Variants in PPP1R13B observed in about 807,000 individuals in gnomAD.
The protein encoded by PPP1R13B is protein phosphatase 1 regulatory subunit 13B, also known as apoptosis-stimulating of p53 protein 1.
A neutral mutation model predicts 119.8 loss-of-function variants in PPP1R13B; 44 were observed. The ratio of observed to expected loss-of-function variants is 0.37; its 90% CI spans 0.29 to 0.47. The LOEUF (loss-of-function observed/expected upper bound fraction) is 0.47. PPP1R13B is among the 20% of genes least tolerant of loss of function. PPP1R13B has a pLI of 0.99. For missense variants in PPP1R13B, 1,227 were observed against 1,413.5 expected (o/e 0.87, Z 2.12); for synonymous variants, 542 against 561.5 (o/e 0.97, Z 0.49).
intron 2 of PPP1R13B, among the ~76,000 whole-genome samples, chr14:103,786,549 G>A (rs978204296): frequency 9.2e-5 from 14 of 151,816 alleles, no homozygotes; most frequent in African/African-American, 3.1e-4. Flanking sequence ...CAGATCACCC[G>A]AGGTCAGGAG....
chr14:103,804,307 C>G (rs2085968986), intron 1 of PPP1R13B, among the ~76,000 whole-genome samples: 1 of 152,166 alleles, frequency 6.6e-6, no homozygotes, highest in Non-Finnish European at 1.5e-5. Context: ...ATCAAATAAT[C>G]ACTAATTTAA....
intron 1 of PPP1R13B, among the ~76,000 whole-genome samples, chr14:103,823,277 T>A (rs538367430): frequency 6.6e-6 from 1 of 151,438 alleles, no homozygotes; most frequent in East Asian, 1.9e-4. Flanking sequence ...AGGCGGAGGT[T>A]GCAGTGAGCT....
chr14:103,811,032 G>A (rs1353024386), intron 1 of PPP1R13B, among the ~76,000 whole-genome samples: 1 of 138,410 alleles, frequency 7.2e-6, no homozygotes, highest in Admixed American at 8.0e-5. Context: ...GGCAGAGGTT[G>A]CAGTAAGCTG....
intron 1 of PPP1R13B, among the ~76,000 whole-genome samples, chr14:103,805,091 C>A (rs1463626628): frequency 1.3e-5 from 2 of 152,118 alleles, no homozygotes; most frequent in Non-Finnish European, 2.9e-5. Flanking sequence ...CCCACCTCGG[C>A]CTCTCAAAGT....
intron 4 of PPP1R13B, among the ~76,000 whole-genome samples, chr14:103,772,370 G>C (rs1021012797): frequency 6.6e-6 from 1 of 152,182 alleles, no homozygotes; most frequent in South Asian, 2.1e-4. Context: ...GAGTAGAGTT[G>C]TTGGGTCATA....
At chr14:103,816,316 C>T (rs2086279006) in intron 1 of PPP1R13B, among the ~76,000 whole-genome samples, 2 of 151,042 alleles carry the variant, frequency 1.3e-5, no homozygotes, top group Non-Finnish European at 3.0e-5. Flanking sequence ...TGCCACCACC[C>T]CCGGCTAATT....
At chr14:103,735,296 C>CGTGCA in intron 16 of PPP1R13B, 101 bp from the exon 17 acceptor site, 1 of 1,105,864 alleles carries the variant, frequency 9.0e-7, no homozygotes, top group South Asian at 1.2e-5. Flanking sequence ...CCTGGACAGC[C>CGTGCA]GTGCAGCACC....
At chr14:103,816,875 T>C (rs1327420646) in intron 1 of PPP1R13B, among the ~76,000 whole-genome samples, 2 of 152,124 alleles carry the variant, frequency 1.3e-5, no homozygotes, top group Non-Finnish European at 2.9e-5. Flanking sequence ...TATATCAATA[T>C]AGCTTAGTAA....
intron 3 of PPP1R13B, among the ~76,000 whole-genome samples, chr14:103,782,146 G>A (rs1345977226): frequency 1.3e-5 from 2 of 152,058 alleles, no homozygotes; most frequent in Non-Finnish European, 2.9e-5. Context: ...AACATCCCCA[G>A]TTGCGTAGAT....
chr14:103,749,643 G>C (rs1184044732), intron 8 of PPP1R13B, 151 bp downstream of exon 8: 2 of 797,664 alleles, frequency 2.5e-6, no homozygotes, highest in East Asian at 2.8e-5. Context: ...CTGGGAGAAG[G>C]AACTCTGTTC....
chr14:103,819,016 C>T (rs1189671834), intron 1 of PPP1R13B, among the ~76,000 whole-genome samples: 2 of 152,082 alleles, frequency 1.3e-5, no homozygotes, highest in Non-Finnish European at 2.9e-5. Context: ...ACAAAAGCCT[C>T]ACTGAAGGAG....
rs373815237 is a variant in PPP1R13B at position 103,735,198 on chromosome 14, G to A, written c.3232-3C>T. The A allele has an allele frequency of 6.2e-7, 1 of 1,614,022 alleles. No individual in the cohort carries two copies. ...CGGGGTTTGATCCGTGGATACAGCT[G>A]GGAAGCAACGGAGCCGCGTCAGGAC... On this transcript the variant is annotated splice_region_variant and splice_polypyrimidine_tract_variant and intron_variant, in intron 16 of 16. Transcript: ENST00000202556.
chr14:103,776,991 C>A (rs1301158666), intron 4 of PPP1R13B, among the ~76,000 whole-genome samples: 1 of 152,036 alleles, frequency 6.6e-6, no homozygotes, highest in Non-Finnish European at 1.5e-5. Context: ...TCAACATACA[C>A]CAACATTTCG....
At position 103,738,913 on chromosome 14, in the gene PPP1R13B, G is replaced by A. The variant is rs377535384; in HGVS notation, c.2703C>T (p.Phe901=). 9 of 1,613,882 alleles carry A rather than the reference G, an allele frequency of 5.6e-6. No individual in the cohort carries two copies. Among genetic ancestry groups the A allele is most frequent in the South Asian group, 5.5e-5 (5 of 91,072 alleles). ...LLLDASLEGE[F]DLVQRIIYEV... ...CATAGATGATCCTCTGCACCAGATC[G>A]AACTCTCCTTCCAGAGACGCGTCTA... The change falls in exon 13 of 17, where the codon TTC becomes TTT. Residue 901 remains phenylalanine, a synonymous_variant. Coordinates refer to ENST00000202556, the MANE Select transcript of PPP1R13B (RefSeq NM_015316.3). The surrounding 1 kb of genome is among the most constrained non-coding windows in gnomAD (Gnocchi z 5.6).
chr14:103,847,934 T>C (rs2087109424), upstream of PPP1R13B, among the ~76,000 whole-genome samples: 1 of 151,404 alleles, frequency 6.6e-6, no homozygotes, highest in Non-Finnish European at 1.5e-5. Flanking sequence ...GAACCCGGGC[T>C]CCCGGGGGCC....
chr14:103,741,925 T>C lies in PPP1R13B; in HGVS notation c.1687A>G (p.Arg563Gly), dbSNP rs956863439. 6.2e-7 allele frequency: 1 copy of C among 1,614,244 alleles called. No homozygotes were observed. Residue 563 changes from arginine (R) to glycine (G), a missense_variant, in exon 11 of 17, where the codon AGG becomes GGG. Transcript: ENST00000202556. ...IRPFLADKGS[R>G]PQSPRKGPQT... is the part of the protein sequence containing the mutation. ...GGTCCTTTCCTGGGAGACTGTGGCC[T>C]TGACCCTTTATCAGCCAGGAAAGGC...
Position 103,742,306 on chromosome 14 carries a change from TAAG to T in PPP1R13B, c.1321-18_1321-16del. On this transcript the variant is annotated splice_polypyrimidine_tract_variant and intron_variant, in intron 10 of 16. Coordinates refer to ENST00000202556, the MANE Select transcript of PPP1R13B (RefSeq NM_015316.3). This position sits in a 1 kb window ranked among gnomAD's most constrained non-coding sequence, Gnocchi z 4.9. ...ATCTCGATGCCCTAAGTTTAGGTGTTAAGAAGAAAAACAAAGTCACCCTTTGAA... is the reference window on the plus strand; with the variant it reads ...ATCTCGATGCCCTAAGTTTAGGTGTTAAGAAAAACAAAGTCACCCTTTGAA... 4.6e-6 allele frequency: 7 copies of T among 1,525,136 alleles called. No homozygotes were observed. Among genetic ancestry groups the T allele is most frequent in the Non-Finnish European group, 6.1e-6 (7 of 1,144,670 alleles). The allele number at this position is 1,525,136 out of a possible 1,614,324, so 94.5% of individuals were successfully genotyped here.
chr14:103,804,145 A>G (rs1322356972), intron 1 of PPP1R13B: 4 of 733,106 alleles, frequency 5.5e-6, no homozygotes, highest in Non-Finnish European at 6.7e-6. Flanking sequence ...TAAGGACAAT[A>G]CTTGTGTTCT....
upstream of PPP1R13B, chr14:103,848,525 G>T (rs1321147983): frequency 1.0e-6 from 1 of 980,114 alleles, no homozygotes; most frequent in East Asian, 1.1e-4. Context: ...CAGACAGGGG[G>T]ACTGAGGTGC....
Sources: gnomAD v4.1 joint callset for allele counts (sites outside exome capture counted in the v4.1 genomes callset) on GRCh38, gnomAD v4.1.1 for gene constraint, Gnocchi (gnomAD v3.1) non-coding constraint, MANE v1.5 for transcripts, NCBI Gene and HGNC (gene_info 2026-07-23, HGNC 2026-07-21) for gene names.